CSMD1: variants seen among roughly 807,000 people sequenced by gnomAD.
CSMD1 encodes CUB and sushi domain-containing protein 1.
CSMD1 carries 213 observed loss-of-function variants against 417.5 expected under a neutral mutation model. The ratio of observed to expected loss-of-function variants is 0.51; its 90% CI spans 0.46 to 0.57. The LOEUF (loss-of-function observed/expected upper bound fraction) is 0.57. CSMD1 is among the 20% of genes least tolerant of loss of function. CSMD1 has a pLI of 0.00. For missense variants in CSMD1, 6,923 were observed against 4,529.7 expected, an observed-to-expected ratio of 1.53 and a Z score of -15.17; for synonymous variants, 2,862 against 1,736.8, an observed-to-expected ratio of 1.65 and a Z score of -16.11.
chr8:4,034,082 G>T (rs1401751188), intron 3 of CSMD1, among the ~76,000 whole-genome samples: 2 of 152,102 alleles, frequency 1.3e-5, no homozygotes, highest in Non-Finnish European at 2.9e-5. Context: ...CATCGGCATG[G>T]GGGTGTATTT....
chr8:3,126,093 C>G (rs1215147726), intron 41 of CSMD1, among the ~76,000 whole-genome samples: 4 of 152,174 alleles, frequency 2.6e-5, no homozygotes, highest in Non-Finnish European at 5.9e-5. Flanking sequence ...CTGGTGTGAC[C>G]TGAGTTCAGC....
At chr8:4,015,824 G>C (rs145725821) in intron 4 of CSMD1, among the ~76,000 whole-genome samples, 7 of 152,142 alleles carry the variant, frequency 4.6e-5, no homozygotes, top group African/African-American at 1.7e-4. Flanking sequence ...CACTAAGCAA[G>C]CGGCGTAACT....
intron 1 of CSMD1, among the ~76,000 whole-genome samples, chr8:4,752,723 GA>G (rs1811412375): frequency 6.6e-6 from 1 of 152,164 alleles, no homozygotes; most frequent in Admixed American, 6.5e-5. Flanking sequence ...TTGGGGCAAC[GA>G]AAAAGTTGCT....
intron 18 of CSMD1, among the ~76,000 whole-genome samples, chr8:3,382,469 T>C (rs1177235674): frequency 7.2e-6 from 1 of 139,256 alleles, no homozygotes; most frequent in South Asian, 2.1e-4. Flanking sequence ...TAATATATTA[T>C]ATATAATCTA....
At chr8:3,097,431 A>G (rs2129011101) in intron 46 of CSMD1, among the ~76,000 whole-genome samples, 1 of 149,680 alleles carries the variant, frequency 6.7e-6, no homozygotes, top group South Asian at 2.2e-4. Flanking sequence ...GAAAACTCAT[A>G]TTTATTTTGG....
chr8:3,447,321 T>C (rs1202688126), intron 12 of CSMD1, among the ~76,000 whole-genome samples: 2 of 146,326 alleles, frequency 1.4e-5, no homozygotes, highest in Non-Finnish European at 3.0e-5. Flanking sequence ...TAATTCAGTT[T>C]AGCAGTGGAG....
chr8:3,245,399 T>C (rs1025786443), intron 26 of CSMD1, among the ~76,000 whole-genome samples: 2 of 152,272 alleles, frequency 1.3e-5, no homozygotes, highest in African/African-American at 4.8e-5. Context: ...ACCAGACTTT[T>C]CCCCCTCTCT....
intron 3 of CSMD1, among the ~76,000 whole-genome samples, chr8:4,052,860 CCA>C (rs1798503751): frequency 1.3e-5 from 2 of 152,198 alleles, no homozygotes; most frequent in South Asian, 4.1e-4. Flanking sequence ...ATCTCTCATA[CCA>C]CAATGATTCC....
chr8:3,905,930 T>C (rs956610198), intron 5 of CSMD1, among the ~76,000 whole-genome samples: 9 of 152,318 alleles, frequency 5.9e-5, no homozygotes, highest in East Asian at 1.9e-4. Context: ...TTTATAACCA[T>C]GTTTTTGGTG....
chr8:4,820,244 C>A (rs1563491247), intron 1 of CSMD1, among the ~76,000 whole-genome samples: 1 of 152,084 alleles, frequency 6.6e-6, no homozygotes, highest in Non-Finnish European at 1.5e-5. Context: ...AGCGGTGACC[C>A]GACTTCACAA....
chr8:3,618,802 G>C (rs542612830), intron 7 of CSMD1, among the ~76,000 whole-genome samples: 3 of 152,204 alleles, frequency 2.0e-5, no homozygotes, highest in South Asian at 2.1e-4. Flanking sequence ...ACTCTCCCTT[G>C]TTTCATACCA....
chr8:4,436,527 TAACA>T (rs1798159525), intron 2 of CSMD1, among the ~76,000 whole-genome samples: 3 of 152,114 alleles, frequency 2.0e-5, no homozygotes, highest in Admixed American at 2.0e-4. Context: ...ATCCTTCAAG[TAACA>T]AACAATCCGA....
chr8:4,028,888 C>G (rs1797201317), intron 4 of CSMD1, among the ~76,000 whole-genome samples: 1 of 152,120 alleles, frequency 6.6e-6, no homozygotes, highest in African/African-American at 2.4e-5. Flanking sequence ...AAGTCAAAAC[C>G]TAAGAGTTGA....
chr8:3,824,234 T>C (rs940088566), intron 5 of CSMD1, among the ~76,000 whole-genome samples: 7 of 151,096 alleles, frequency 4.6e-5, no homozygotes, highest in Non-Finnish European at 1.0e-4. Context: ...GAGAAAGAAA[T>C]TCCAAAAAAA....
intron 1 of CSMD1, among the ~76,000 whole-genome samples, chr8:4,812,015 C>T (rs1020654669): frequency 6.6e-6 from 1 of 152,182 alleles, no homozygotes; most frequent in Non-Finnish European, 1.5e-5. Context: ...CTTCCAATTA[C>T]AGCAGGAGTC....
At chr8:3,523,445 A>T (rs1056020627) in intron 10 of CSMD1, among the ~76,000 whole-genome samples, 2 of 152,208 alleles carry the variant, frequency 1.3e-5, no homozygotes, top group African/African-American at 2.4e-5. Flanking sequence ...ACTGAGCCCT[A>T]GAGAGAATAA....
chr8:3,621,773 A>T (rs1796252929), intron 7 of CSMD1, among the ~76,000 whole-genome samples: 1 of 150,468 alleles, frequency 6.6e-6, no homozygotes, highest in African/African-American at 2.5e-5. Context: ...TTATTTTATT[A>T]TTATTATTAT....
At chr8:3,484,629 C>G (rs2117259307) in intron 11 of CSMD1, among the ~76,000 whole-genome samples, 1 of 152,208 alleles carries the variant, frequency 6.6e-6, no homozygotes, top group Non-Finnish European at 1.5e-5. Flanking sequence ...TGTTGAAACC[C>G]ACATGAAGAA....
intron 3 of CSMD1, among the ~76,000 whole-genome samples, chr8:4,155,380 T>G (rs927216346): frequency 1.3e-5 from 2 of 152,210 alleles, no homozygotes; most frequent in African/African-American, 4.8e-5. Flanking sequence ...AATGCTCTGC[T>G]GTAGATCACA....
Sources: gnomAD v4.1 joint callset for allele counts (sites outside exome capture counted in the v4.1 genomes callset) on GRCh38, gnomAD v4.1.1 for gene constraint, MANE v1.5 for transcripts, NCBI Gene and HGNC (gene_info 2026-07-23, HGNC 2026-07-21) for gene names.